CSMD1: variants seen among roughly 807,000 people sequenced by gnomAD.
CSMD1 encodes the protein CUB and sushi domain-containing protein 1.
In CSMD1, 213 loss-of-function variants were observed where a neutral mutation model predicts 417.5. That is an observed-to-expected ratio of 0.51 (90% CI 0.46 to 0.57). The LOEUF (loss-of-function observed/expected upper bound fraction) is 0.57. Ranked by LOEUF, CSMD1 falls within the 20% of genes least tolerant of loss-of-function variation. CSMD1 has a pLI of 0.00. For missense variants in CSMD1, 6,923 were observed against 4,529.7 expected (o/e 1.53, Z -15.17); for synonymous variants, 2,862 against 1,736.8 (o/e 1.65, Z -16.11).
chr8:3,513,449 C>A (rs534378236), intron 10 of CSMD1, among the ~76,000 whole-genome samples: 1 of 151,980 alleles, frequency 6.6e-6, no homozygotes, highest in African/African-American at 2.4e-5. Flanking sequence ...ACTCAGCCTC[C>A]TGAATAGCTG....
Position 3,304,699 on chromosome 8 carries a change from C to T in CSMD1, c.3950+2996G>A, listed in dbSNP as rs570694710. Among the ~76,000 whole-genome samples, 16 of 146,210 alleles carry T rather than the reference C, an allele frequency of 1.1e-4. 2 individuals are homozygous for T. In the South Asian group the frequency reaches 2.2e-3, roughly 20 times the overall value. ...GTCAGTTCATGCAATAAAAACTGCACGTTTTTATTCAAATATTTTTTTATT... is the reference window on the plus strand; with the variant it reads ...GTCAGTTCATGCAATAAAAACTGCATGTTTTTATTCAAATATTTTTTTATT... On this transcript the variant is annotated intron_variant, in intron 25 of 69. Coordinates refer to ENST00000635120, the MANE Select transcript of CSMD1 (RefSeq NM_033225.6).
intron 3 of CSMD1, among the ~76,000 whole-genome samples, chr8:4,145,277 C>A (rs1335596799): frequency 6.6e-6 from 1 of 151,060 alleles, no homozygotes; most frequent in Non-Finnish European, 1.5e-5. Context: ...TAGAGTTAGA[C>A]TTCCAATGCT....
Position 3,021,904 on chromosome 8 carries a change from C to G in CSMD1, c.7856-3254G>C, listed in dbSNP as rs1350985252. Among the ~76,000 whole-genome samples, 8 of 145,874 alleles carry G rather than the reference C, an allele frequency of 5.5e-5. No individual in the cohort carries two copies. The Admixed American group carries it at 5.5e-4, about 10-fold the overall frequency. ...CGTCCGGAATGCACCTGCAATCCCA[C>G]AGCATCCAGAATGCACAATCCCACA... On this transcript the variant is annotated intron_variant, in intron 51 of 69. Coordinates refer to ENST00000635120, the MANE Select transcript of CSMD1 (RefSeq NM_033225.6).
chr8:3,482,757 G>A (rs561001528), intron 11 of CSMD1, among the ~76,000 whole-genome samples: 40 of 152,202 alleles, frequency 2.6e-4, no homozygotes, highest in Admixed American at 2.5e-3. Flanking sequence ...ATATTCAAAT[G>A]AACTGAAATC....
At chr8:4,392,042 G>C (rs1011936316) in intron 3 of CSMD1, among the ~76,000 whole-genome samples, 6 of 152,150 alleles carry the variant, frequency 3.9e-5, no homozygotes, top group African/African-American at 1.4e-4. Context: ...CAGGGTTTTG[G>C]GGGCAATGCG....
At chr8:3,276,414 G>C (rs1802294492) in intron 26 of CSMD1, among the ~76,000 whole-genome samples, 2 of 152,164 alleles carry the variant, frequency 1.3e-5, no homozygotes, top group African/African-American at 4.8e-5. Context: ...GTTCATCTTG[G>C]CTTCTCCGAC....
chr8:3,291,775 C>T (rs926610541), intron 25 of CSMD1, among the ~76,000 whole-genome samples: 14 of 151,798 alleles, frequency 9.2e-5, no homozygotes, highest in African/African-American at 3.2e-4. Context: ...TCCAAAAAGT[C>T]AGCTCCTGGA....
At position 4,039,318 on chromosome 8, in the gene CSMD1, A is replaced by G. The variant is rs148962439; in HGVS notation, c.416-7219T>C. Reference sequence around the variant, plus strand: ...ACTTTCTATGTAAACCAACGATATCAAATGTGTTTGTTTTGGACTATTTGC... The same window carrying G: ...ACTTTCTATGTAAACCAACGATATCGAATGTGTTTGTTTTGGACTATTTGC... On this transcript the variant is annotated intron_variant, in intron 3 of 69. Transcript: ENST00000635120. 1.5e-3 allele frequency among the ~76,000 whole-genome samples: 234 copies of G among 152,298 alleles called. 1 individual carries two copies. Among genetic ancestry groups the G allele is most frequent in the African/African-American group, 5.3e-3 (221 of 41,568 alleles).
At chr8:4,056,417 T>C (rs1031964867) in intron 3 of CSMD1, among the ~76,000 whole-genome samples, 27 of 152,040 alleles carry the variant, frequency 1.8e-4, no homozygotes, top group African/African-American at 5.3e-4. Flanking sequence ...TCTTTTTTTT[T>C]TGTTTGTGCC....
rs144496250 is a variant in CSMD1, at chr8:3,623,702, G to A, written c.1010-6905C>T. ...GAATGAGCTGACTCCAGGGCCGGGC[G>A]TGGGGGCTCATGCCTGTAATCCTAG... On this transcript the variant is annotated intron_variant, in intron 7 of 69. Transcript: ENST00000635120. 1.2e-3 allele frequency among the ~76,000 whole-genome samples: 176 copies of A among 152,266 alleles called. 1 individual carries two copies. Among genetic ancestry groups the A allele is most frequent in the East Asian group, 9.5e-3 (49 of 5,172 alleles).
chr8:4,764,212 G>C (rs1161408108), intron 1 of CSMD1, among the ~76,000 whole-genome samples: 4 of 152,178 alleles, frequency 2.6e-5, no homozygotes, highest in African/African-American at 4.8e-5. Context: ...TTCAGAGGTA[G>C]ATAATAAAAG....
At chr8:3,338,992 C>T (rs185235586) in intron 23 of CSMD1, among the ~76,000 whole-genome samples, 1 of 127,884 alleles carries the variant, frequency 7.8e-6, no homozygotes. Flanking sequence ...CCCCTCCCCC[C>T]ACCCCACAAC....
intron 2 of CSMD1, among the ~76,000 whole-genome samples, chr8:4,469,559 T>C (rs919814985): frequency 1.3e-5 from 2 of 152,180 alleles, no homozygotes; most frequent in Non-Finnish European, 2.9e-5. Context: ...GGCAAACCTA[T>C]TCTTTCAGTA....
chr8:4,949,517 G>A (rs138451829), intron 1 of CSMD1, among the ~76,000 whole-genome samples: 4 of 152,154 alleles, frequency 2.6e-5, no homozygotes, highest in African/African-American at 4.8e-5. Context: ...CCTCCCAGGG[G>A]ATATGCTGCA....
chr8:4,909,971 ATTAT>A (rs1805555016), intron 1 of CSMD1, among the ~76,000 whole-genome samples: 1 of 152,178 alleles, frequency 6.6e-6, no homozygotes, highest in African/African-American at 2.4e-5. Context: ...ATTTTACTAT[ATTAT>A]TTATCTTTTC....
intron 52 of CSMD1, among the ~76,000 whole-genome samples, chr8:3,009,881 C>G (rs1385387727): frequency 2.0e-5 from 3 of 152,226 alleles, no homozygotes; most frequent in Non-Finnish European, 4.4e-5. Context: ...TAGTGAATGA[C>G]AGCTTTTTTA....
chr8:4,637,202 T>G (rs557714156), intron 2 of CSMD1, 140 bp downstream of exon 2: 1 of 638,672 alleles, frequency 1.6e-6, no homozygotes, highest in South Asian at 2.0e-5. Flanking sequence ...TGTGGCTTCA[T>G]TCTTGAAGTC....
intron 2 of CSMD1, among the ~76,000 whole-genome samples, chr8:4,447,420 G>T (rs540943865): frequency 6.6e-6 from 1 of 152,294 alleles, no homozygotes; most frequent in East Asian, 1.9e-4. Flanking sequence ...GAAGTGGATG[G>T]CATTTGTCTG....
intron 5 of CSMD1, among the ~76,000 whole-genome samples, chr8:3,923,725 T>A (rs886520293): frequency 6.6e-6 from 1 of 152,338 alleles, no homozygotes; most frequent in African/African-American, 2.4e-5. Flanking sequence ...TTATGCTTCC[T>A]GTCTCACTGA....
Sources: allele counts gnomAD v4.1 joint callset (sites outside exome capture counted in the v4.1 genomes callset), GRCh38; gene constraint gnomAD v4.1.1; transcripts MANE v1.5; gene names NCBI Gene and HGNC (gene_info 2026-07-23, HGNC 2026-07-21).